Variants in RICTOR observed in about 807,000 individuals in gnomAD.
RICTOR encodes the protein rapamycin-insensitive companion of mTOR.
A neutral mutation model predicts 214.9 loss-of-function variants in RICTOR; 49 were observed. The ratio of observed to expected loss-of-function variants is 0.23; its 90% CI spans 0.18 to 0.29. The LOEUF is 0.29. RICTOR is among the 10% of genes least tolerant of loss of function. RICTOR has a pLI of 1.00. For missense variants in RICTOR, 1,625 were observed against 2,047.0 expected (o/e 0.79, Z 3.98); for synonymous variants, 717 against 711.3 (o/e 1.01, Z -0.13).
intron 2 of RICTOR, among the ~76,000 whole-genome samples, chr5:39,028,776 T>C (rs1756053675): frequency 6.6e-6 from 1 of 152,146 alleles, no homozygotes; most frequent in South Asian, 2.1e-4. Flanking sequence ...CTCGTGCCTG[T>C]AATCCCAGCA....
chr5:38,966,982 G>T, intron 14 of RICTOR, 179 bp downstream of exon 14: 1 of 660,592 alleles, frequency 1.5e-6, no homozygotes, highest in Non-Finnish European at 2.7e-6. Context: ...TGTATTTTTA[G>T]TTGAGACACA....
Position 38,941,928 on chromosome 5 carries a change from A to C in RICTOR, c.*376T>G. ...ATCTGTATTATTTACCCTAAAAATC[A>C]TTCAGAAATAACTTGTGAAGGGTGC... On this transcript the variant is annotated 3_prime_UTR_variant, in exon 38 of 38. Coordinates refer to ENST00000357387, the MANE Select transcript of RICTOR (RefSeq NM_152756.5). The C allele has an allele frequency of 4.2e-6, 1 of 236,816 alleles. No individual in the cohort carries two copies. Among genetic ancestry groups the C allele is most frequent in the East Asian group, 6.0e-5 (1 of 16,628 alleles). 14.7% of individuals were successfully genotyped at this position (236,816 alleles called of 1,614,324 possible). A position where few individuals can be genotyped will look rare whatever the true frequency, so the allele number is the denominator to read the frequency against.
rs1004647765 is a variant in RICTOR, at chr5:38,959,068, C to T, written c.2178+127G>A. 5.0e-6 allele frequency: 4 copies of T among 796,820 alleles called. No individual in the cohort carries two copies. The African/African-American group carries it at 7.2e-5, about 14-fold the overall frequency. 49.4% of individuals were successfully genotyped at this position (796,820 alleles called of 1,614,324 possible). A position where few individuals can be genotyped will look rare whatever the true frequency, so the allele number is the denominator to read the frequency against. ...TACTATATGCAGTTCCTTGGAGAAA[C>T]TAAAATTTTAAAGTAAACTCAATTT... On this transcript the variant is annotated intron_variant, in intron 22 of 37. Transcript: ENST00000357387.
chr5:38,977,594 T>C (rs1271761109), intron 9 of RICTOR, among the ~76,000 whole-genome samples: 1 of 35,736 alleles, frequency 2.8e-5, no homozygotes, highest in Admixed American at 3.3e-4. Flanking sequence ...TGAAACCACT[T>C]TTTTTTTTTT....
intron 2 of RICTOR, among the ~76,000 whole-genome samples, chr5:39,040,168 G>A (rs1757059450): frequency 6.6e-6 from 1 of 151,934 alleles, no homozygotes; most frequent in Non-Finnish European, 1.5e-5. Context: ...TCCTTTGTGG[G>A]GACATGGATG....
intron 2 of RICTOR, among the ~76,000 whole-genome samples, chr5:39,066,462 G>A (rs976606396): frequency 4.6e-5 from 7 of 152,170 alleles, no homozygotes; most frequent in Non-Finnish European, 7.3e-5. Flanking sequence ...CCAACTTCAC[G>A]GATATCAGCA....
At position 39,034,080 on chromosome 5, in the gene RICTOR, G is replaced by T. The variant is rs141268747; in HGVS notation, c.98-12944C>A. Among the ~76,000 whole-genome samples, 538 of 152,258 alleles carry T rather than the reference G, an allele frequency of 3.5e-3. 6 individuals carry two copies. Among genetic ancestry groups the T allele is most frequent in the African/African-American group, 0.013 (522 of 41,544 alleles). ...ATTAACGGAAGAAAAAAAAGTCCTT[G>T]CTGACAGTTTATCATTCTGTACCTT... On this transcript the variant is annotated intron_variant, in intron 2 of 37. Transcript: ENST00000357387.
chr5:39,046,761 T>C (rs1418092295), intron 2 of RICTOR, among the ~76,000 whole-genome samples: 1 of 152,192 alleles, frequency 6.6e-6, no homozygotes, highest in Non-Finnish European at 1.5e-5. Flanking sequence ...TCCTGTTCCA[T>C]ATCCTTTAAC....
In RICTOR at chr5:38,946,909, G is replaced by A. The variant is rs897977413; in HGVS notation, c.4314+355C>T. Among the ~76,000 whole-genome samples, 4 of 151,996 alleles carry A rather than the reference G, an allele frequency of 2.6e-5. No individual in the cohort carries two copies. The South Asian group carries it at 8.3e-4, about 32-fold the overall frequency. The stretch of plus-strand genomic sequence containing the variant: ...ACATATGGCTGGCTACCTTTTATGG[G>A]ATAAATAGGAATGAGGATTTAAAAA... On this transcript the variant is annotated intron_variant, in intron 32 of 37. Transcript: ENST00000357387.
At chr5:39,028,461 C>T (rs992145144) in intron 2 of RICTOR, among the ~76,000 whole-genome samples, 12 of 152,168 alleles carry the variant, frequency 7.9e-5, no homozygotes, top group East Asian at 3.9e-4. Context: ...GGATTACAGG[C>T]GTGAGCCACC....
intron 2 of RICTOR, among the ~76,000 whole-genome samples, chr5:39,046,362 T>C (rs1163270006): frequency 6.7e-6 from 1 of 148,644 alleles, no homozygotes; most frequent in Non-Finnish European, 1.5e-5. Flanking sequence ...AGACCCTGTC[T>C]CTAAAAACAA....
At chr5:38,999,890 TAAATGTA>T (rs1320030773) in intron 5 of RICTOR, among the ~76,000 whole-genome samples, 1 of 151,886 alleles carries the variant, frequency 6.6e-6, no homozygotes, top group Admixed American at 6.6e-5. Flanking sequence ...GGGAGACACT[TAAATGTA>T]AAGACAAAAA....
Position 39,039,110 on chromosome 5 carries a change from A to C in RICTOR, c.98-17974T>G, listed in dbSNP as rs565471569. On this transcript the variant is annotated intron_variant, in intron 2 of 37. Transcript: ENST00000357387. ...ACCAAAACAGCATGGTACTGGTACC[A>C]AACAGAGATATAGACCAATGGAACA... Among the ~76,000 whole-genome samples, 6 of 152,284 alleles carry C rather than the reference A, an allele frequency of 3.9e-5. 1 individual carries two copies. The highest frequency in any genetic ancestry group is 1.4e-4 in the African/African-American group (6 of 41,556).
At chr5:38,968,876 G>A (rs2150035610) in intron 11 of RICTOR, among the ~76,000 whole-genome samples, 1 of 151,502 alleles carries the variant, frequency 6.6e-6, no homozygotes, top group East Asian at 1.9e-4. Context: ...AGACATTCCA[G>A]ACATACAAGG....
chr5:38,973,527 T>C (rs1579962864), intron 10 of RICTOR, among the ~76,000 whole-genome samples: 1 of 152,306 alleles, frequency 6.6e-6, no homozygotes, highest in Admixed American at 6.5e-5. Context: ...TTTCAAATTT[T>C]TTATGACATG....
intron 9 of RICTOR, among the ~76,000 whole-genome samples, chr5:38,977,544 G>C (rs187406560): frequency 8.8e-4 from 133 of 151,874 alleles, no homozygotes; most frequent in African/African-American, 3.0e-3. Context: ...GGTATGTTAG[G>C]GTGAGAATGA....
chr5:39,040,722 A>C (rs569429515), intron 2 of RICTOR, among the ~76,000 whole-genome samples: 2 of 152,196 alleles, frequency 1.3e-5, no homozygotes, highest in East Asian at 3.9e-4. Flanking sequence ...AATCTATACT[A>C]TAAAAGACAG....
At chr5:39,008,552 G>T (rs2150116365) in intron 3 of RICTOR, among the ~76,000 whole-genome samples, 1 of 152,004 alleles carries the variant, frequency 6.6e-6, no homozygotes, top group South Asian at 2.1e-4. Flanking sequence ...CAGGGTTGGG[G>T]GTTAGGGGAA....
chr5:39,016,849 T>C (rs1754999717), intron 3 of RICTOR, among the ~76,000 whole-genome samples: 1 of 152,214 alleles, frequency 6.6e-6, no homozygotes, highest in Non-Finnish European at 1.5e-5. Context: ...TGTTGTTAAG[T>C]ATAAACCATA....
Sources: gnomAD v4.1 joint callset for allele counts (sites outside exome capture counted in the v4.1 genomes callset) on GRCh38, gnomAD v4.1.1 for gene constraint, MANE v1.5 for transcripts, NCBI Gene and HGNC (gene_info 2026-07-23, HGNC 2026-07-21) for gene names.